The following YIPF4 variants were observed in gnomAD, a reference collection of about 807,000 sequenced individuals.
YIPF4 encodes the protein Yip1 domain family member 4, also known as protein YIPF4.
A neutral mutation model predicts 29.4 loss-of-function variants in YIPF4; 18 were observed. The ratio of observed to expected loss-of-function variants is 0.61; its 90% CI spans 0.42 to 0.91. The LOEUF (loss-of-function observed/expected upper bound fraction) is 0.91, where lower values mean the gene tolerates loss of function less well. Ranked by LOEUF, YIPF4 falls within the 40% of genes least tolerant of loss-of-function variation. The pLI is 0.00. For missense variants in YIPF4, 279 were observed against 282.7 expected, an observed-to-expected ratio of 0.99 and a Z score of 0.09; for synonymous variants, 115 against 104.7, an observed-to-expected ratio of 1.10 and a Z score of -0.60.
chr2:32,302,526 C>T (rs549733701), intron 5 of YIPF4, among the ~76,000 whole-genome samples: 2 of 152,172 alleles, frequency 1.3e-5, no homozygotes, highest in East Asian at 3.9e-4. Context: ...TTCCGTAGTG[C>T]AGAGATCAGG....
At chr2:32,287,536 C>A (rs368573095) in intron 1 of YIPF4, among the ~76,000 whole-genome samples, 2 of 152,270 alleles carry the variant, frequency 1.3e-5, no homozygotes, top group African/African-American at 4.8e-5. Context: ...TCACAGAAAT[C>A]GGGAACTTGT....
intron 4 of YIPF4, among the ~76,000 whole-genome samples, chr2:32,298,690 C>A (rs1356390699): frequency 6.6e-6 from 1 of 151,878 alleles, no homozygotes; most frequent in Non-Finnish European, 1.5e-5. Context: ...TTCCGAGTAG[C>A]TGGGATTATA....
At chr2:32,291,389 A>C (rs2030907460) in intron 2 of YIPF4, among the ~76,000 whole-genome samples, 1 of 152,122 alleles carries the variant, frequency 6.6e-6, no homozygotes, top group Non-Finnish European at 1.5e-5. Flanking sequence ...ACAAAAAAAG[A>C]AAAAATTAGC....
At chr2:32,301,249 G>A in intron 4 of YIPF4, 133 bp from the exon 5 acceptor site, 1 of 629,126 alleles carries the variant, frequency 1.6e-6, no homozygotes, top group Non-Finnish European at 2.8e-6. Context: ...GAAATAATGA[G>A]TATAATAGTT....
In YIPF4 at chr2:32,278,045, G is replaced by C. The variant is rs1254176652; in HGVS notation, c.-111G>C. On this transcript the variant is annotated 5_prime_UTR_variant, in exon 1 of 6. Coordinates refer to ENST00000238831, the MANE Select transcript of YIPF4 (RefSeq NM_032312.4). ...GCCTCGCTCGCAGCTTGCACGTCGA[G>C]ACTCGTAGGCCGCACCGTAGGGCGA... 1.1e-6 allele frequency: 1 copy of C among 913,662 alleles called. No individual in the cohort carries two copies. The highest frequency in any genetic ancestry group is 3.2e-5 in the Admixed American group (1 of 31,034). The allele number at this position is 913,662 out of a possible 1,614,324, so 56.6% of individuals were successfully genotyped here. A position where few individuals can be genotyped will look rare whatever the true frequency, so the allele number is the denominator to read the frequency against.
At position 32,299,984 on chromosome 2, in the gene YIPF4, T is replaced by C. The variant is rs531779203; in HGVS notation, c.484-1398T>C. 2.0e-5 allele frequency among the ~76,000 whole-genome samples: 3 copies of C among 151,540 alleles called. No individual in the cohort carries two copies. The South Asian group carries it at 6.3e-4, about 32-fold the overall frequency. ...CCCGTCTCTACTAAAAATACAAAAA[T>C]TGCTGGGCGCGGTAGCTCACGCCTG... On this transcript the variant is annotated intron_variant, in intron 4 of 5. Transcript: ENST00000238831.
rs538812138 is a variant in YIPF4, at chr2:32,314,543, C to G, written c.*8917C>G. 1 of 152,056 alleles carries G rather than the reference C, an allele frequency of 6.6e-6. No homozygotes were observed. Among genetic ancestry groups the G allele is most frequent in the Non-Finnish European group, 1.5e-5 (1 of 68,060 alleles). 9.4% of individuals were successfully genotyped at this position (152,056 alleles called of 1,614,324 possible). On this transcript the variant is annotated 3_prime_UTR_variant, in exon 6 of 6. Coordinates refer to ENST00000238831, the MANE Select transcript of YIPF4 (RefSeq NM_032312.4). The stretch of plus-strand genomic sequence containing the variant: ...ACAAAATTAGCTGGGCGTGGTGTCG[C>G]GTGCCTGTAATCCCAGCTACTCTGG...
chr2:32,295,645 C>T (rs1487602229), intron 3 of YIPF4, among the ~76,000 whole-genome samples: 1 of 152,100 alleles, frequency 6.6e-6, no homozygotes, highest in Non-Finnish European at 1.5e-5. Flanking sequence ...CTCTTGCTGC[C>T]CAGGCTAGAG....
Position 32,310,365 on chromosome 2 carries a change from A to G in YIPF4, c.*4739A>G, listed in dbSNP as rs1338786653. The G allele has an allele frequency of 6.6e-6, 1 of 151,954 alleles. No homozygotes were observed. Among genetic ancestry groups the G allele is most frequent in the Non-Finnish European group, 1.5e-5 (1 of 67,986 alleles). 9.4% of individuals were successfully genotyped at this position (151,954 alleles called of 1,614,324 possible). On this transcript the variant is annotated 3_prime_UTR_variant, in exon 6 of 6. Transcript: ENST00000238831. ...ATAATAATACTTTAATTTAGAAAAT[A>G]CCCTGAATTAGAAGTGCTTCATTCC...
chr2:32,280,992 ACTT>A (rs1314715690), intron 1 of YIPF4, among the ~76,000 whole-genome samples: 1 of 152,136 alleles, frequency 6.6e-6, no homozygotes, highest in Non-Finnish European at 1.5e-5. Flanking sequence ...CTGAGGAATT[ACTT>A]TTTTTAAATA....
intron 3 of YIPF4, 61 bp from the exon 4 acceptor site, chr2:32,298,173 C>A: frequency 7.6e-7 from 1 of 1,322,030 alleles, no homozygotes; most frequent in Middle Eastern, 1.8e-4. Context: ...GAATCGAGTT[C>A]CTGGAAAATT....
chr2:32,303,640 C>T (rs1026227755), intron 5 of YIPF4, among the ~76,000 whole-genome samples: 2 of 152,154 alleles, frequency 1.3e-5, no homozygotes, highest in South Asian at 2.1e-4. Context: ...GAGCAGTGAT[C>T]GTACCATTGT....
chr2:32,282,787 C>A (rs1057251667), intron 1 of YIPF4, among the ~76,000 whole-genome samples: 1 of 151,792 alleles, frequency 6.6e-6, no homozygotes, highest in African/African-American at 2.4e-5. Flanking sequence ...ATAAGAATAC[C>A]CAAGTGCAGG....
intron 1 of YIPF4, among the ~76,000 whole-genome samples, chr2:32,290,179 T>C (rs1316674182): frequency 6.6e-6 from 1 of 152,228 alleles, no homozygotes; most frequent in Non-Finnish European, 1.5e-5. Context: ...GTATTTTGCA[T>C]ATATTTTCCA....
chr2:32,282,825 C>A (rs973807098), intron 1 of YIPF4, among the ~76,000 whole-genome samples: 1 of 151,534 alleles, frequency 6.6e-6, no homozygotes, highest in Admixed American at 6.6e-5. Flanking sequence ...GCCTGTAATC[C>A]CAGAACTTTG....
chr2:32,306,098 A>T lies in YIPF4; in HGVS notation c.*472A>T. ...GAAATAATTCTTACTCACAAAATAT[A>T]TTTCTGATAAACATTAAGATATTAA... is the stretch of plus-strand genomic sequence containing the variant. On this transcript the variant is annotated 3_prime_UTR_variant, in exon 6 of 6. Transcript: ENST00000238831. 3.8e-6 allele frequency: 3 copies of T among 785,978 alleles called. No individual in the cohort carries two copies. The highest frequency in any genetic ancestry group is 4.6e-6 in the Non-Finnish European group (3 of 648,752). The allele number at this position is 785,978 out of a possible 1,614,324, so 48.7% of individuals were successfully genotyped here. A position where few individuals can be genotyped will look rare whatever the true frequency, so the allele number is the denominator to read the frequency against.
At chr2:32,301,668 T>G (rs1223169398) in intron 5 of YIPF4, among the ~76,000 whole-genome samples, 173 bp downstream of exon 5, 1 of 152,224 alleles carries the variant, frequency 6.6e-6, no homozygotes, top group East Asian at 1.9e-4. Flanking sequence ...TTTTTTTCCT[T>G]TTTAATCACC....
intron 2 of YIPF4, 36 bp from the exon 3 acceptor site, chr2:32,292,141 G>A: frequency 7.5e-7 from 1 of 1,330,352 alleles, no homozygotes; most frequent in Non-Finnish European, 9.9e-7. Flanking sequence ...ATTCAGAAAT[G>A]TGTGCCTTTT....
Position 32,305,876 on chromosome 2 carries a change from C to T in YIPF4, c.*250C>T. The T allele has an allele frequency of 4.5e-6, 5 of 1,100,010 alleles. No individual in the cohort carries two copies. Among genetic ancestry groups the T allele is most frequent in the Non-Finnish European group, 5.5e-6 (5 of 905,744 alleles). The allele number at this position is 1,100,010 out of a possible 1,614,324, so 68.1% of individuals were successfully genotyped here. On this transcript the variant is annotated 3_prime_UTR_variant, in exon 6 of 6. Transcript: ENST00000238831. ...TATTCCAGTGAATAAAATACAAAAGCATTGTGTTTTTAAGATTGTGTCGAT... is the reference window on the plus strand; with the variant it reads ...TATTCCAGTGAATAAAATACAAAAGTATTGTGTTTTTAAGATTGTGTCGAT...
Sources: allele counts gnomAD v4.1 joint callset (sites outside exome capture counted in the v4.1 genomes callset), GRCh38; gene constraint gnomAD v4.1.1; transcripts MANE v1.5; gene names NCBI Gene and HGNC (gene_info 2026-07-23, HGNC 2026-07-21).